CDC73: variants seen among roughly 807,000 people sequenced by gnomAD.
CDC73 encodes the protein parafibromin.
CDC73 carries 21 observed loss-of-function variants against 83.7 expected under a neutral mutation model. The observed-to-expected ratio is 0.25, with a 90% confidence interval of 0.18 to 0.36. The LOEUF (loss-of-function observed/expected upper bound fraction) is 0.36, where lower values mean the gene tolerates loss of function less well. Among genes scored for constraint, CDC73 ranks in the 10% least tolerant of loss-of-function variants. The probability of loss-of-function intolerance (pLI) is 1.00; values close to 1 mark genes in which losing one functional copy is unlikely to be tolerated. For missense variants in CDC73, 342 were observed against 653.3 expected (o/e 0.52, Z 5.19); for synonymous variants, 224 against 212.9 (o/e 1.05, Z -0.45).
intron 10 of CDC73, among the ~76,000 whole-genome samples, chr1:193,169,839 GT>G (rs1676490777): frequency 6.6e-6 from 1 of 151,698 alleles, no homozygotes; most frequent in Non-Finnish European, 1.5e-5. Context: ...ACATGTGCAG[GT>G]TTGTTACACA....
At chr1:193,160,987 A>G (rs986549270) in intron 10 of CDC73, 2 of 158,240 alleles carry the variant, frequency 1.3e-5, no homozygotes, top group African/African-American at 4.8e-5. Flanking sequence ...CCTGCATTCA[A>G]ATTTTTTAAA....
intron 10 of CDC73, among the ~76,000 whole-genome samples, chr1:193,175,283 A>G (rs2103152813): frequency 6.6e-6 from 1 of 152,344 alleles, no homozygotes; most frequent in Non-Finnish European, 1.5e-5. Flanking sequence ...TGCAGTAGTT[A>G]AAAAATGAGT....
chr1:193,243,183 G>T (rs903916019), intron 15 of CDC73, among the ~76,000 whole-genome samples: 1 of 152,018 alleles, frequency 6.6e-6, no homozygotes, highest in African/African-American at 2.4e-5. Flanking sequence ...CTCAGGATCC[G>T]CTCTCCTTGG....
intron 10 of CDC73, among the ~76,000 whole-genome samples, chr1:193,181,981 T>C (rs1676725063): frequency 6.6e-6 from 1 of 152,180 alleles, no homozygotes; most frequent in African/African-American, 2.4e-5. Flanking sequence ...TTGAATGTAT[T>C]CGAGAAAAAT....
rs779664752 is a variant in CDC73, at chr1:193,123,256, C to G, written c.131+925C>G. On this transcript the variant is annotated intron_variant, in intron 1 of 16. Coordinates refer to ENST00000367435, the MANE Select transcript of CDC73 (RefSeq NM_024529.5). ...TATTTATTTATTTTTGAGAGGGAGTCTTGCTCTGTCGCCCAGGCTGGAGTG... is the reference window on the plus strand; with the variant it reads ...TATTTATTTATTTTTGAGAGGGAGTGTTGCTCTGTCGCCCAGGCTGGAGTG... Among the ~76,000 whole-genome samples the G allele has an allele frequency of 4.6e-5, 7 of 152,270 alleles. No individual in the cohort carries two copies. The East Asian group carries it at 1.2e-3, about 25-fold the overall frequency.
At chr1:193,150,450 ATGT>A (rs1421520255) in intron 9 of CDC73, 68 bp downstream of exon 9, 3 of 1,116,348 alleles carry the variant, frequency 2.7e-6, no homozygotes, top group Non-Finnish European at 4.1e-6. Flanking sequence ...GTGTGGCCTG[ATGT>A]TTAAGGGTAA....
intron 10 of CDC73, chr1:193,179,962 G>A (rs929702331): frequency 2.4e-5 from 4 of 168,790 alleles, no homozygotes; most frequent in African/African-American, 9.5e-5. Context: ...GTCATTTCTT[G>A]AATTAAAATT....
chr1:193,122,468 C>T (rs757595129), intron 1 of CDC73, 137 bp downstream of exon 1: 53 of 1,162,808 alleles, frequency 4.6e-5, no homozygotes, highest in Non-Finnish European at 6.2e-5. Flanking sequence ...AAGTTTCTCT[C>T]TAGAGCAGAA....
At chr1:193,183,079 C>G (rs1676746090) in intron 10 of CDC73, among the ~76,000 whole-genome samples, 1 of 151,588 alleles carries the variant, frequency 6.6e-6, no homozygotes, top group South Asian at 2.1e-4. Flanking sequence ...TTAATTACTT[C>G]TAGGAAATAG....
intron 2 of CDC73, among the ~76,000 whole-genome samples, chr1:193,127,289 A>ATGTGTG (rs34948918): frequency 0.14 from 20,080 of 143,094 alleles, 1,662 homozygotes; most frequent in East Asian, 0.23. Flanking sequence ...AAAAAAAAAA[A>ATGTGTG]TGTGTGTGTG....
chr1:193,152,206 CCTTTTTAAAGTTTTTAT>C (rs1483348025), intron 9 of CDC73, among the ~76,000 whole-genome samples, 157 bp from the exon 10 acceptor site: 6 of 151,974 alleles, frequency 3.9e-5, no homozygotes, highest in Non-Finnish European at 7.4e-5. Context: ...AACCTAGAGT[CCTTTTTAAAGTTTTTAT>C]CTTCACAAGT....
intron 13 of CDC73, among the ~76,000 whole-genome samples, chr1:193,231,877 A>G (rs1677668329): frequency 6.6e-6 from 1 of 152,166 alleles, no homozygotes; most frequent in South Asian, 2.1e-4. Context: ...CTTTAGAAGC[A>G]GAATGATACT....
In CDC73 at chr1:193,128,535, G is replaced by A. The variant is rs567141479; in HGVS notation, c.238-1639G>A. 5.5e-4 allele frequency among the ~76,000 whole-genome samples: 84 copies of A among 151,750 alleles called. 3 individuals carry two copies. The South Asian group carries it at 0.015, about 27-fold the overall frequency. The stretch of plus-strand genomic sequence containing the variant: ...GCTCAGGCTGGTCTCGAACTCCTGG[G>A]CTCCAGCAATCCACCCACTTTGGCC... On this transcript the variant is annotated intron_variant, in intron 2 of 16. Transcript: ENST00000367435.
At chr1:193,232,559 C>T (rs938721674) in intron 13 of CDC73, among the ~76,000 whole-genome samples, 1 of 152,148 alleles carries the variant, frequency 6.6e-6, no homozygotes, top group African/African-American at 2.4e-5. Context: ...ACTTGCAGAG[C>T]AGGTTTATTT....
intron 10 of CDC73, chr1:193,180,597 A>G (rs762300999): frequency 2.5e-6 from 4 of 1,614,170 alleles, no homozygotes; most frequent in Non-Finnish European, 3.4e-6. Flanking sequence ...TTTCTGCCAG[A>G]TCTCCAGAAA....
chr1:193,182,953 T>C (rs574165979), intron 10 of CDC73, among the ~76,000 whole-genome samples: 15 of 152,074 alleles, frequency 9.9e-5, no homozygotes, highest in Non-Finnish European at 2.1e-4. Context: ...TAAAAAGTTT[T>C]AATACAGGAG....
chr1:193,177,063 G>C (rs757404775), intron 10 of CDC73, among the ~76,000 whole-genome samples: 3 of 152,000 alleles, frequency 2.0e-5, no homozygotes, highest in Non-Finnish European at 4.4e-5. Flanking sequence ...CCTAATATCA[G>C]GTGCCCCTCC....
intron 2 of CDC73, among the ~76,000 whole-genome samples, chr1:193,126,189 G>T (rs1323473805): frequency 6.6e-6 from 1 of 152,202 alleles, no homozygotes; most frequent in Admixed American, 6.5e-5. Context: ...CAGAACTCTA[G>T]TTTAATCTCA....
At chr1:193,135,298 A>G in intron 3 of CDC73, 93 bp from the exon 4 acceptor site, 1 of 999,784 alleles carries the variant, frequency 1.0e-6, no homozygotes. Flanking sequence ...ACCATATAGA[A>G]GTATATAAAA....
Sources: gnomAD v4.1 joint callset for allele counts (sites outside exome capture counted in the v4.1 genomes callset) on GRCh38, gnomAD v4.1.1 for gene constraint, MANE v1.5 for transcripts, NCBI Gene and HGNC (gene_info 2026-07-23, HGNC 2026-07-21) for gene names.